Variants in SLC35F2 observed in about 807,000 individuals in gnomAD.
SLC35F2 encodes the protein solute carrier family 35 member F2.
A neutral mutation model predicts 38.1 loss-of-function variants in SLC35F2; 25 were observed. The ratio of observed to expected loss-of-function variants is 0.66; its 90% CI spans 0.48 to 0.92. The LOEUF (loss-of-function observed/expected upper bound fraction) is 0.92, where lower values mean the gene tolerates loss of function less well. SLC35F2 is among the 40% of genes least tolerant of loss of function. The pLI is 0.00. For synonymous variants in SLC35F2, 173 were observed against 181.7 expected (o/e 0.95, Z 0.38); for missense variants, 409 against 452.9 (o/e 0.90, Z 0.88).
In SLC35F2 at chr11:107,858,641, A is replaced by T; in HGVS notation, c.110+17T>A. 1 of 1,280,112 alleles carries T rather than the reference A, an allele frequency of 7.8e-7. No individual in the cohort carries two copies. 79.3% of individuals were successfully genotyped at this position (1,280,112 alleles called of 1,614,324 possible). A position where few individuals can be genotyped will look rare whatever the true frequency, so the allele number is the denominator to read the frequency against. ...CCCCACGCCCCAGCGGAGCTGCAGCACGCCCCTTCCACTCACCAGGTGAAG... is the reference window on the plus strand; with the variant it reads ...CCCCACGCCCCAGCGGAGCTGCAGCTCGCCCCTTCCACTCACCAGGTGAAG... On this transcript the variant is annotated intron_variant, in intron 1 of 7. Transcript: ENST00000525815.
rs1349041450 is a variant in SLC35F2 at position 107,809,210 on chromosome 11, G to A, written c.415-2334C>T. Among the ~76,000 whole-genome samples the A allele has an allele frequency of 2.0e-5, 3 of 151,920 alleles. No homozygotes were observed. The East Asian group carries it at 5.8e-4, about 29-fold the overall frequency. ...CAAAATGTATTCTTGGTGGCCGGGA[G>A]TGGTGGCTCATGCCTGTAATCCCAG... On this transcript the variant is annotated intron_variant, in intron 3 of 7. Transcript: ENST00000525815.
chr11:107,813,169 G>T (rs1191556243), intron 2 of SLC35F2, among the ~76,000 whole-genome samples: 2 of 152,170 alleles, frequency 1.3e-5, no homozygotes, highest in Non-Finnish European at 2.9e-5. Flanking sequence ...ATTAGGCCGG[G>T]TGCGGTGGCT....
intron 1 of SLC35F2, among the ~76,000 whole-genome samples, chr11:107,857,310 G>A (rs892464064): frequency 1.1e-4 from 16 of 147,220 alleles, no homozygotes; most frequent in African/African-American, 4.0e-4. Context: ...AACGAAGGAA[G>A]GAGAGAGGGA....
At chr11:107,814,966 T>C (rs1449114195) in intron 2 of SLC35F2, among the ~76,000 whole-genome samples, 4 of 151,960 alleles carry the variant, frequency 2.6e-5, no homozygotes, top group Non-Finnish European at 5.9e-5. Context: ...TAGTCCCAGC[T>C]ACACAGGAGG....
chr11:107,825,865 ACTTCTG>A (rs1859746779), intron 1 of SLC35F2, among the ~76,000 whole-genome samples: 1 of 152,148 alleles, frequency 6.6e-6, no homozygotes, highest in Non-Finnish European at 1.5e-5. Context: ...ACTTAACAGT[ACTTCTG>A]ACTGTTGCTG....
At chr11:107,800,670 T>A (rs1859292135) in intron 7 of SLC35F2, among the ~76,000 whole-genome samples, 1 of 152,092 alleles carries the variant, frequency 6.6e-6, no homozygotes, top group South Asian at 2.1e-4. Flanking sequence ...TCGACCTCCC[T>A]GGCCCCAAGT....
At chr11:107,812,641 A>G (rs1403193320) in intron 2 of SLC35F2, among the ~76,000 whole-genome samples, 1 of 152,228 alleles carries the variant, frequency 6.6e-6, no homozygotes. Flanking sequence ...TTATCTATGT[A>G]ACAAACCTGC....
At position 107,811,688 on chromosome 11, in the gene SLC35F2, G is replaced by GT. The variant is rs747646251; in HGVS notation, c.392dup (p.Tyr131Ter). 2.5e-6 allele frequency: 4 copies of GT among 1,613,898 alleles called. No homozygotes were observed. The South Asian group carries it at 4.4e-5, about 18-fold the overall frequency. Residue 131 changes from tyrosine to a stop codon, truncating the protein, a stop_gained and frameshift_variant, in exon 3 of 8, where the codon TAC (tyrosine) becomes TAAC (stop). Coordinates refer to ENST00000525815, the MANE Select transcript of SLC35F2 (RefSeq NM_017515.5). LOFTEE classifies it high-confidence loss of function. ...ANYVIVRAYQ[Y>*]TTLTSVQLLD... ...TTACCTGGACACTGGTTAGAGTTGTGTACTGGTAGGCTCTGACGATCACAT... is the reference window on the plus strand; with the variant it reads ...TTACCTGGACACTGGTTAGAGTTGTGTTACTGGTAGGCTCTGACGATCACAT...
intron 1 of SLC35F2, among the ~76,000 whole-genome samples, chr11:107,852,512 C>T (rs12282665): frequency 0.035 from 5,108 of 147,146 alleles, 206 homozygotes; most frequent in African/African-American, 0.1. Context: ...GATTGTGCTA[C>T]TGCATTCCAG....
At position 107,820,954 on chromosome 11, in the gene SLC35F2, TCAAAA is replaced by T. The variant is rs781083973; in HGVS notation, c.111-4994_111-4990del. 1.8e-3 allele frequency among the ~76,000 whole-genome samples: 277 copies of T among 152,192 alleles called. 1 individual carries two copies. The highest frequency in any genetic ancestry group is 3.5e-3 in the Non-Finnish European group (238 of 68,014). On this transcript the variant is annotated intron_variant, in intron 1 of 7. Transcript: ENST00000525815. ...CTGGGCAACAGAGCAAGACTCTGTC[TCAAAA>T]CAAAACAAAACACCCTTCTTCAAAG... is the stretch of plus-strand genomic sequence containing the variant.
chr11:107,848,958 A>AT lies in SLC35F2; in HGVS notation c.110+9699dup, dbSNP rs566294330. ...GAGATTTCTTTCTTTTTTTCTTTTAATTTTTTTGAGTAAACTAGTCATATC... is the reference window on the plus strand; with the variant it reads ...GAGATTTCTTTCTTTTTTTCTTTTAATTTTTTTTGAGTAAACTAGTCATATC... On this transcript the variant is annotated intron_variant, in intron 1 of 7. Transcript: ENST00000525815. Among the ~76,000 whole-genome samples the AT allele has an allele frequency of 2.6e-3, 389 of 152,142 alleles. 1 individual carries two copies. The highest frequency in any genetic ancestry group is 4.1e-3 in the Non-Finnish European group (280 of 67,986).
chr11:107,831,205 A>G (rs551919194), intron 1 of SLC35F2, among the ~76,000 whole-genome samples: 1 of 152,360 alleles, frequency 6.6e-6, no homozygotes, highest in African/African-American at 2.4e-5. Flanking sequence ...GAAGAAATCA[A>G]TCTACAGTTT....
intron 7 of SLC35F2, among the ~76,000 whole-genome samples, chr11:107,802,519 A>G (rs996872212): frequency 6.6e-6 from 1 of 152,238 alleles, no homozygotes; most frequent in Non-Finnish European, 1.5e-5. Flanking sequence ...AATTACCTTT[A>G]AGATATAAAA....
rs181954149 is a variant in SLC35F2 at position 107,833,471 on chromosome 11, A to T, written c.111-17506T>A. 3.3e-5 allele frequency among the ~76,000 whole-genome samples: 5 copies of T among 149,530 alleles called. No individual in the cohort carries two copies. In the Admixed American group the frequency reaches 3.4e-4, roughly 10 times the overall value. On this transcript the variant is annotated intron_variant, in intron 1 of 7. Transcript: ENST00000525815. The stretch of plus-strand genomic sequence containing the variant: ...GAGGCAGAGGTTGCCGTGAACCAAG[A>T]TCACACCACTGCATTCCAGCCTGGG...
chr11:107,816,654 AT>A (rs1410974875), intron 1 of SLC35F2, among the ~76,000 whole-genome samples: 2 of 152,118 alleles, frequency 1.3e-5, no homozygotes, highest in Non-Finnish European at 2.9e-5. Context: ...AGAGGCTAAA[AT>A]AATACGTATT....
intron 1 of SLC35F2, 192 bp downstream of exon 1, chr11:107,858,466 A>G: frequency 4.5e-6 from 2 of 442,156 alleles, no homozygotes; most frequent in Non-Finnish European, 7.7e-6. Context: ...GAGACGCACC[A>G]AGTGCTTCCC....
chr11:107,815,659 A>T, intron 2 of SLC35F2, 131 bp downstream of exon 2: 1 of 1,062,140 alleles, frequency 9.4e-7, no homozygotes, highest in Non-Finnish European at 1.4e-6. Context: ...TACTTACTTT[A>T]ATCAACAATT....
At position 107,806,574 on chromosome 11, in the gene SLC35F2, AAC is replaced by A. The variant is rs1172041885; in HGVS notation, c.574+141_574+142del. ...AGATTTTATACTATCAACTGAATTC[AAC>A]ACAAAGTGTGGCAAAGTGTTCTCAC... On this transcript the variant is annotated intron_variant, in intron 4 of 7. Transcript: ENST00000525815. 3 of 737,194 alleles carry A rather than the reference AAC, an allele frequency of 4.1e-6. No homozygotes were observed. The Admixed American group carries it at 6.2e-5, about 15-fold the overall frequency. The allele number at this position is 737,194 out of a possible 1,614,324, so 45.7% of individuals were successfully genotyped here. A position where few individuals can be genotyped will look rare whatever the true frequency, so the allele number is the denominator to read the frequency against.
chr11:107,809,312 C>T (rs1262111556), intron 3 of SLC35F2, among the ~76,000 whole-genome samples: 8 of 129,406 alleles, frequency 6.2e-5, no homozygotes, highest in Admixed American at 8.7e-5. Context: ...GGCAAAACCT[C>T]GTATCTACTC....
Sources: gnomAD v4.1 joint callset for allele counts (sites outside exome capture counted in the v4.1 genomes callset) on GRCh38, gnomAD v4.1.1 for gene constraint, MANE v1.5 for transcripts, NCBI Gene and HGNC (gene_info 2026-07-23, HGNC 2026-07-21) for gene names.